CALD1: variants seen among roughly 807,000 people sequenced by gnomAD.
The protein encoded by CALD1 is caldesmon 1, also known as caldesmon.
In CALD1, 33 loss-of-function variants were observed where a neutral mutation model predicts 99.9. The ratio of observed to expected loss-of-function variants is 0.33; its 90% CI spans 0.25 to 0.44. The LOEUF (loss-of-function observed/expected upper bound fraction) is 0.44, where lower values mean the gene tolerates loss of function less well. Among genes scored for constraint, CALD1 ranks in the 20% least tolerant of loss-of-function variants. The pLI is 1.00. For synonymous variants in CALD1, 310 were observed against 325.0 expected, an observed-to-expected ratio of 0.95 and a Z score of 0.50; for missense variants, 861 against 962.1, an observed-to-expected ratio of 0.89 and a Z score of 1.39.
chr7:134,731,304 T>C, the CALD1 span, among the ~76,000 whole-genome samples: 1 of 152,170 alleles, frequency 6.6e-6, no homozygotes, highest in Non-Finnish European at 1.5e-5. Context: ...TTCCATTTTG[T>C]CTCTCTCCCT....
At chr7:134,733,719 G>A in the CALD1 span, among the ~76,000 whole-genome samples, 1 of 151,538 alleles carries the variant, frequency 6.6e-6, no homozygotes, top group African/African-American at 2.4e-5. Context: ...TGAGGCAGGA[G>A]AATGGTGTGA....
chr7:134,774,327 T>C (rs1796900769), intron 1 of CALD1, among the ~76,000 whole-genome samples: 1 of 152,198 alleles, frequency 6.6e-6, no homozygotes, highest in Non-Finnish European at 1.5e-5. Flanking sequence ...TTCAATTTCC[T>C]GTCTGTGGGA....
intron 1 of CALD1, among the ~76,000 whole-genome samples, chr7:134,804,731 T>A (rs1002300274): frequency 6.6e-6 from 1 of 152,250 alleles, no homozygotes; most frequent in Non-Finnish European, 1.5e-5. Flanking sequence ...GATTAATTTA[T>A]TGGCTGGGCA....
At chr7:134,942,061 C>T (rs1283355461) in intron 7 of CALD1, among the ~76,000 whole-genome samples, 3 of 152,198 alleles carry the variant, frequency 2.0e-5, no homozygotes, top group African/African-American at 7.2e-5. Flanking sequence ...TCCTTCCCCA[C>T]AAAACACTCT....
intron 1 of CALD1, among the ~76,000 whole-genome samples, chr7:134,830,584 C>T (rs931514333): frequency 3.9e-5 from 6 of 151,944 alleles, no homozygotes; most frequent in African/African-American, 1.5e-4. Context: ...TCCAATAGGC[C>T]CCAGTGTGTG....
At chr7:134,859,303 T>A (rs7801596) in intron 2 of CALD1, among the ~76,000 whole-genome samples, 115,240 of 152,110 alleles carry the variant, frequency 0.76, 44,289 homozygotes, top group East Asian at 0.97. Flanking sequence ...ACATATTTGT[T>A]GCAAGTCTAC....
intron 9 of CALD1, among the ~76,000 whole-genome samples, chr7:134,955,286 G>A (rs899917848): frequency 1.3e-5 from 2 of 152,168 alleles, no homozygotes; most frequent in Non-Finnish European, 1.5e-5. Context: ...GCTACTCGAC[G>A]CTGAGGCAGA....
intron 9 of CALD1, among the ~76,000 whole-genome samples, chr7:134,953,433 A>G (rs1156915296): frequency 6.6e-6 from 1 of 152,076 alleles, no homozygotes; most frequent in African/African-American, 2.4e-5. Flanking sequence ...GCAGTGGCGC[A>G]TGCCTGTAAT....
At chr7:134,831,151 AT>A (rs1391335556) in intron 1 of CALD1, among the ~76,000 whole-genome samples, 1 of 152,214 alleles carries the variant, frequency 6.6e-6, no homozygotes. Context: ...TGTGTAAAAA[AT>A]ATGTATAATA....
chr7:134,848,365 C>T (rs948636253), intron 2 of CALD1, among the ~76,000 whole-genome samples: 7 of 152,272 alleles, frequency 4.6e-5, no homozygotes, highest in East Asian at 1.9e-4. Flanking sequence ...TGAATATTCA[C>T]GCCAATGTGG....
intron 2 of CALD1, among the ~76,000 whole-genome samples, chr7:134,849,588 G>T (rs971488044): frequency 7.3e-5 from 11 of 151,528 alleles, no homozygotes; most frequent in Admixed American, 7.2e-4. Context: ...ATTGTTGTAT[G>T]GTTTTTTTAA....
At chr7:134,751,480 A>G (rs940939534) in intron 1 of CALD1, among the ~76,000 whole-genome samples, 29 of 152,148 alleles carry the variant, frequency 1.9e-4, no homozygotes, top group African/African-American at 7.0e-4. Context: ...TCCTTTACTT[A>G]AAGTTTTTCA....
At chr7:134,954,037 C>A (rs993890166) in intron 9 of CALD1, among the ~76,000 whole-genome samples, 1 of 152,142 alleles carries the variant, frequency 6.6e-6, no homozygotes, top group Non-Finnish European at 1.5e-5. Flanking sequence ...GCTATTGATA[C>A]CCTTGGCCCT....
intron 1 of CALD1, among the ~76,000 whole-genome samples, chr7:134,820,730 A>G (rs1388742184): frequency 1.3e-5 from 2 of 152,206 alleles, no homozygotes; most frequent in Admixed American, 6.5e-5. Context: ...GGAAAAATCT[A>G]TGTGATACTC....
At chr7:134,746,278 C>T (rs1796633853) in intron 1 of CALD1, among the ~76,000 whole-genome samples, 1 of 152,242 alleles carries the variant, frequency 6.6e-6, no homozygotes, top group Non-Finnish European at 1.5e-5. Context: ...TTGTCCCCTT[C>T]ACTCTGTGAG....
At position 134,947,510 on chromosome 7, in the gene CALD1, G is replaced by T. The variant is rs555670514; in HGVS notation, c.1535G>T (p.Arg512Leu). 3 of 1,567,744 alleles carry T rather than the reference G, an allele frequency of 1.9e-6. No homozygotes were observed. In the South Asian group the frequency reaches 3.5e-5, roughly 18 times the overall value. The change falls in exon 8 of 15, where the codon CGC (arginine) becomes CTC (leucine). Residue 512 changes from arginine (R) to leucine (L), a missense_variant and splice_region_variant. Physicochemically the swap from Arg to Leu is moderately radical, Grantham distance 102. Transcript: ENST00000361675. Reference protein sequence around the residue: ...KLKHTENTFSRPGGRASVDTK... With the variant: ...KLKHTENTFSLPGGRASVDTK... ...TTTCCATTGCCCCCCAACCACAGCCGCCCTGGAGGGAGGGCCAGCGTGGAC... is the reference window on the plus strand; with the variant it reads ...TTTCCATTGCCCCCCAACCACAGCCTCCCTGGAGGGAGGGCCAGCGTGGAC...
At chr7:134,964,862 A>AC (rs1369589868) in intron 13 of CALD1, among the ~76,000 whole-genome samples, 1 of 152,084 alleles carries the variant, frequency 6.6e-6, no homozygotes, top group Admixed American at 6.6e-5. Flanking sequence ...AAGGGCAAGG[A>AC]CCCCGAGGCT....
chr7:134,738,229 G>A, the CALD1 span, among the ~76,000 whole-genome samples: 4 of 152,196 alleles, frequency 2.6e-5, no homozygotes, highest in Non-Finnish European at 4.4e-5. Flanking sequence ...GGGAAATGGA[G>A]AATCAGTTCA....
intron 3 of CALD1, among the ~76,000 whole-genome samples, chr7:134,888,441 A>C (rs1291172484): frequency 6.6e-6 from 1 of 152,208 alleles, no homozygotes; most frequent in Non-Finnish European, 1.5e-5. Flanking sequence ...TCTCTGCAGG[A>C]CCAGAACACT....
Sources: gnomAD v4.1 joint callset for allele counts (sites outside exome capture counted in the v4.1 genomes callset) on GRCh38, gnomAD v4.1.1 for gene constraint, MANE v1.5 for transcripts, NCBI Gene and HGNC (gene_info 2026-07-23, HGNC 2026-07-21) for gene names.